TRMT11: variants seen among roughly 807,000 people sequenced by gnomAD.
TRMT11 encodes tRNA methyltransferase 11, also known as tRNA (guanine(10)-N(2))-methyltransferase TRMT11.
In TRMT11, 53 loss-of-function variants were observed where a neutral mutation model predicts 62.8. The ratio of observed to expected loss-of-function variants is 0.84; its 90% CI spans 0.68 to 1.06. TRMT11 has a LOEUF of 1.06. Ranked by LOEUF, TRMT11 falls within the 50% of genes least tolerant of loss-of-function variation. The probability of loss-of-function intolerance (pLI) is 0.00; values close to 1 mark genes in which losing one functional copy is unlikely to be tolerated. For missense variants in TRMT11, 556 were observed against 553.4 expected (o/e 1.00, Z -0.05); for synonymous variants, 188 against 190.3 (o/e 0.99, Z 0.10).
At position 125,989,187 on chromosome 6, in the gene TRMT11, GGCGCGGTCTCGGCTCACTGCAAGCTCC is replaced by G. The variant is rs1470162411; in HGVS notation, c.72+2568_72+2594del. Reference sequence around the variant, plus strand: ...CTCTGTTGCCAGGCTGGAGTGCAGTGGCGCGGTCTCGGCTCACTGCAAGCTCCGCCTCCCTATTCAAGTGATTCACCT... The same window carrying G: ...CTCTGTTGCCAGGCTGGAGTGCAGTGGCCTCCCTATTCAAGTGATTCACCT... On this transcript the variant is annotated intron_variant, in intron 1 of 12. Coordinates refer to ENST00000334379, the MANE Select transcript of TRMT11 (RefSeq NM_001031712.3). Among the ~76,000 whole-genome samples the G allele has an allele frequency of 2.1e-5, 3 of 145,184 alleles. No individual in the cohort carries two copies. The East Asian group carries it at 6.2e-4, about 30-fold the overall frequency.
At chr6:126,124,445 G>A (rs192995180) in intron 21 of TRMT11, among the ~76,000 whole-genome samples, 385 of 152,132 alleles carry the variant, frequency 2.5e-3, no homozygotes, top group Non-Finnish European at 3.9e-3. Flanking sequence ...TTCTGCATGC[G>A]TCCTTGTATT....
intron 16 of TRMT11, among the ~76,000 whole-genome samples, chr6:126,045,086 G>C (rs193050411): frequency 4.2e-4 from 64 of 152,092 alleles, no homozygotes; most frequent in Middle Eastern, 3.4e-3. Context: ...TACTCTGGAG[G>C]CTGAGACATG....
intron 21 of TRMT11, among the ~76,000 whole-genome samples, chr6:126,126,028 C>T (rs964440588): frequency 6.6e-6 from 1 of 152,060 alleles, no homozygotes; most frequent in African/African-American, 2.4e-5. Flanking sequence ...GGCTGGCCTC[C>T]TTAGATGGGC....
intron 21 of TRMT11, among the ~76,000 whole-genome samples, chr6:126,167,671 C>T (rs956553837): frequency 6.6e-6 from 1 of 152,158 alleles, no homozygotes; most frequent in Non-Finnish European, 1.5e-5. Context: ...AGGCAATGCT[C>T]TTATGTGTGT....
chr6:126,125,096 C>T (rs1245903577), intron 21 of TRMT11, among the ~76,000 whole-genome samples: 1 of 152,024 alleles, frequency 6.6e-6, no homozygotes, highest in Non-Finnish European at 1.5e-5. Context: ...CCCTGTGGCT[C>T]AAGTGGGGTC....
chr6:126,039,402 C>T (rs1046507191), downstream of TRMT11: 1 of 152,028 alleles, frequency 6.6e-6, no homozygotes, highest in African/African-American at 2.4e-5. Context: ...GACCTGACAA[C>T]CTAGAAAGAT....
intron 3 of TRMT11, among the ~76,000 whole-genome samples, chr6:125,997,086 A>C (rs953786900): frequency 6.6e-6 from 1 of 152,216 alleles, no homozygotes; most frequent in Admixed American, 6.5e-5. Context: ...CTTCTAATTC[A>C]TATATTTGAT....
chr6:126,260,464 G>A, the TRMT11 span, among the ~76,000 whole-genome samples: 1 of 152,084 alleles, frequency 6.6e-6, no homozygotes, highest in South Asian at 2.1e-4. Flanking sequence ...GATTTATATA[G>A]CACCATTATA....
chr6:126,131,305 C>G (rs1435657857), intron 21 of TRMT11, among the ~76,000 whole-genome samples: 1 of 152,014 alleles, frequency 6.6e-6, no homozygotes. Context: ...CTTGCACCCC[C>G]ATAGACCTCA....
downstream of TRMT11, among the ~76,000 whole-genome samples, chr6:126,044,235 A>G (rs1406712844): frequency 5.3e-5 from 8 of 152,128 alleles, no homozygotes; most frequent in African/African-American, 4.8e-5. Flanking sequence ...TTTTGTATAA[A>G]GTGTAAGGAA....
At chr6:126,176,330 C>T (rs1485983699), upstream of TRMT11, among the ~76,000 whole-genome samples, 2 of 152,134 alleles carry the variant, frequency 1.3e-5, no homozygotes, top group Non-Finnish European at 2.9e-5. Context: ...GCACACTTCA[C>T]CCTAAAATCC....
At chr6:126,007,985 G>A (rs900689029) in intron 7 of TRMT11, among the ~76,000 whole-genome samples, 1 of 151,920 alleles carries the variant, frequency 6.6e-6, no homozygotes, top group African/African-American at 2.4e-5. Flanking sequence ...ACTTCAGTGG[G>A]AATTGAGCCT....
chr6:126,129,483 C>T (rs1777755995), intron 21 of TRMT11, among the ~76,000 whole-genome samples: 1 of 152,048 alleles, frequency 6.6e-6, no homozygotes, highest in African/African-American at 2.4e-5. Flanking sequence ...ACTTTACCGA[C>T]TATGGGTTTT....
At chr6:126,271,643 C>A in the TRMT11 span, among the ~76,000 whole-genome samples, 1 of 151,938 alleles carries the variant, frequency 6.6e-6, no homozygotes, top group Non-Finnish European at 1.5e-5. Context: ...GGTTGCTTAC[C>A]AAAATACTGG....
In TRMT11 at chr6:126,053,338, G is replaced by A. The variant is rs183213169; in HGVS notation, c.*1437+148G>A. ...TGACATCTGGGGCTTTGCTGACCCTGGAGAGACCAGAACCAGCCAATTCCT... is the reference window on the plus strand; with the variant it reads ...TGACATCTGGGGCTTTGCTGACCCTAGAGAGACCAGAACCAGCCAATTCCT... On this transcript the variant is annotated intron_variant and NMD_transcript_variant, in intron 17 of 22. Coordinates refer to the TRMT11 transcript ENST00000648977. Among the ~76,000 whole-genome samples the A allele has an allele frequency of 2.1e-3, 313 of 152,298 alleles. 2 individuals are homozygous for A. Among genetic ancestry groups the A allele is most frequent in the African/African-American group, 7.2e-3 (301 of 41,570 alleles).
At position 125,993,765 on chromosome 6, in the gene TRMT11, G is replaced by C; in HGVS notation, c.81G>C (p.Lys27Asn). The C allele has an allele frequency of 6.2e-7, 1 of 1,606,322 alleles. No homozygotes were observed. ...EHLEFRLPEI[K>N]SLLLLFGGQF... ...TAATATTTTCAATACAGGAAATAAA[G>C]TCTTTGCTTTTGCTTTTTGGAGGTC... is the stretch of plus-strand genomic sequence containing the variant. Residue 27 changes from lysine to asparagine, a missense_variant, in exon 2 of 13, where the codon AAG (lysine) becomes AAC (asparagine). By Grantham distance (94) the Lys-to-Asn change is moderately conservative. Transcript: ENST00000334379.
chr6:126,146,127 A>G lies in TRMT11; in HGVS notation c.*1824-28698A>G, dbSNP rs542266174. Reference sequence around the variant, plus strand: ...AGCCAGTGACTCAGTTTGAATATACATGATGGGAAGTGTGCATCTGCCAGT... The same window carrying G: ...AGCCAGTGACTCAGTTTGAATATACGTGATGGGAAGTGTGCATCTGCCAGT... On this transcript the variant is annotated intron_variant and NMD_transcript_variant, in intron 21 of 22. Coordinates refer to the TRMT11 transcript ENST00000648977. 2.0e-5 allele frequency among the ~76,000 whole-genome samples: 3 copies of G among 152,350 alleles called. No individual in the cohort carries two copies. The South Asian group carries it at 6.2e-4, about 32-fold the overall frequency.
chr6:126,195,723 T>C (rs1028777652), intron 1 of TRMT11, among the ~76,000 whole-genome samples: 6 of 152,214 alleles, frequency 3.9e-5, no homozygotes, highest in Non-Finnish European at 8.8e-5. Context: ...TTGATTGGTC[T>C]AAACCAATCA....
chr6:126,242,670 A>G, the TRMT11 span, among the ~76,000 whole-genome samples: 1 of 152,208 alleles, frequency 6.6e-6, no homozygotes, highest in African/African-American at 2.4e-5. Context: ...CCTGACAAAA[A>G]CAAGAAATGG....
Sources: gnomAD v4.1 joint callset for allele counts (sites outside exome capture counted in the v4.1 genomes callset) on GRCh38, gnomAD v4.1.1 for gene constraint, MANE v1.5 for transcripts, NCBI Gene and HGNC (gene_info 2026-07-23, HGNC 2026-07-21) for gene names.